GLT1D1: variants seen among roughly 807,000 people sequenced by gnomAD.
GLT1D1 encodes the protein glycosyltransferase 1 domain-containing protein 1.
A neutral mutation model predicts 28.7 loss-of-function variants in GLT1D1; 21 were observed. The ratio of observed to expected loss-of-function variants is 0.73; its 90% CI spans 0.52 to 1.05. The LOEUF is 1.05. Among genes scored for constraint, GLT1D1 ranks in the 50% least tolerant of loss-of-function variants. The probability of loss-of-function intolerance (pLI) is 0.00; values close to 1 mark genes in which losing one functional copy is unlikely to be tolerated. For synonymous variants in GLT1D1, 147 were observed against 124.8 expected, an observed-to-expected ratio of 1.18 and a Z score of -1.19; for missense variants, 343 against 330.6, an observed-to-expected ratio of 1.04 and a Z score of -0.29.
chr12:128,915,012 A>G, intron 4 of GLT1D1, 23 bp downstream of exon 6: 2 of 1,523,782 alleles, frequency 1.3e-6, no homozygotes, highest in Non-Finnish European at 1.8e-6. Context: ...ATCTTCTTAG[A>G]GGATTTTGAT....
chr12:128,866,582 A>C (rs1593051926), intron 1 of GLT1D1, among the ~76,000 whole-genome samples: 1 of 139,148 alleles, frequency 7.2e-6, no homozygotes, highest in African/African-American at 2.7e-5. Context: ...TTTCCCCCAC[A>C]GTATCCACGT....
intron 1 of GLT1D1, among the ~76,000 whole-genome samples, chr12:128,874,126 CTTTCTT>C (rs1284872766): frequency 0.023 from 844 of 37,184 alleles, 4 homozygotes; most frequent in East Asian, 0.028. Flanking sequence ...CTCTCTCTCT[CTTTCTT>C]TCTTTCTTTC....
chr12:128,955,371 A>G (rs1228185093), intron 6 of GLT1D1, among the ~76,000 whole-genome samples: 1 of 152,158 alleles, frequency 6.6e-6, no homozygotes, highest in Non-Finnish European at 1.5e-5. Flanking sequence ...GAGGTTGATC[A>G]AGGCACTGCT....
chr12:128,940,518 T>G (rs1875088895), intron 4 of GLT1D1, among the ~76,000 whole-genome samples: 1 of 152,192 alleles, frequency 6.6e-6, no homozygotes, highest in Admixed American at 6.5e-5. Flanking sequence ...CGGAGTCCCC[T>G]CAGTCTGGTG....
chr12:128,920,204 T>C (rs2135902868), intron 4 of GLT1D1, among the ~76,000 whole-genome samples: 1 of 152,340 alleles, frequency 6.6e-6, no homozygotes, highest in Middle Eastern at 3.4e-3. Context: ...TTAGTAAGTC[T>C]AATGTGTTCG....
At chr12:128,971,416 T>TCCTCCCTTCCTCTCCTCCTC (rs1565922982) in intron 7 of GLT1D1, among the ~76,000 whole-genome samples, 4 of 138,658 alleles carry the variant, frequency 2.9e-5, no homozygotes, top group East Asian at 2.3e-4. Context: ...CCTTCTTCCC[T>TCCTCCCTTCCTCTCCTCCTC]CCTCCCTTCC....
chr12:128,863,998 G>A, intron 1 of GLT1D1: 2 of 422,114 alleles, frequency 4.7e-6, no homozygotes, highest in Non-Finnish European at 8.4e-6. Context: ...TATCTGGAAG[G>A]ACCCTGCGAT....
At chr12:128,921,844 G>A (rs1171806325) in intron 4 of GLT1D1, among the ~76,000 whole-genome samples, 20 of 151,762 alleles carry the variant, frequency 1.3e-4, no homozygotes, top group Non-Finnish European at 2.9e-5. Context: ...GACGTCACCT[G>A]CGTTCTTCAC....
intron 4 of GLT1D1, among the ~76,000 whole-genome samples, chr12:128,903,999 G>A (rs1263498197): frequency 6.6e-6 from 1 of 151,872 alleles, no homozygotes; most frequent in Non-Finnish European, 1.5e-5. Flanking sequence ...AAAGTGCTGG[G>A]ATACAGGCAT....
chr12:128,862,760 C>T (rs1443293790), intron 1 of GLT1D1, among the ~76,000 whole-genome samples: 1 of 152,226 alleles, frequency 6.6e-6, no homozygotes, highest in African/African-American at 2.4e-5. Flanking sequence ...AGTCCCTGTC[C>T]TCAGGAGGCA....
chr12:128,957,677 C>T (rs774965622), intron 7 of GLT1D1, 34 bp downstream of exon 11: 78 of 1,289,208 alleles, frequency 6.1e-5, no homozygotes, highest in Non-Finnish European at 7.9e-5. Flanking sequence ...ATTCACTCAC[C>T]TTATCTGAAT....
chr12:128,965,698 C>A (rs182461856), intron 7 of GLT1D1, among the ~76,000 whole-genome samples: 1 of 117,728 alleles, frequency 8.5e-6, no homozygotes, highest in Non-Finnish European at 1.7e-5. Context: ...ATGGCAAAGT[C>A]TTGTCTCTGC....
At chr12:128,970,385 C>T (rs528272946) in intron 7 of GLT1D1, among the ~76,000 whole-genome samples, 1 of 152,322 alleles carries the variant, frequency 6.6e-6, no homozygotes, top group African/African-American at 2.4e-5. Context: ...CGCAGCTGGA[C>T]CCCATCTCCA....
At chr12:128,965,710 TAAAAAAA>T (rs757636287) in intron 7 of GLT1D1, among the ~76,000 whole-genome samples, 67 of 104,708 alleles carry the variant, frequency 6.4e-4, no homozygotes, top group African/African-American at 1.9e-3. Context: ...TGTCTCTGCT[TAAAAAAA>T]AAAAAAAAAA....
At chr12:128,900,400 C>G (rs1870118406) in intron 4 of GLT1D1, among the ~76,000 whole-genome samples, 2 of 152,190 alleles carry the variant, frequency 1.3e-5, no homozygotes, top group South Asian at 4.1e-4. Flanking sequence ...AACTGCTGCA[C>G]TGGGACAAGG....
At chr12:128,908,357 TTTCTTTTC>T (rs943963532) in intron 4 of GLT1D1, among the ~76,000 whole-genome samples, 1 of 29,972 alleles carries the variant, frequency 3.3e-5, no homozygotes, top group African/African-American at 4.8e-5. Flanking sequence ...CCTTTCTTTC[TTTCTTTTC>T]TTTCTTTCTT....
chr12:128,969,277 C>G lies in GLT1D1; in HGVS notation c.639+11634C>G, dbSNP rs1347453038. Among the ~76,000 whole-genome samples, 4 of 152,152 alleles carry G rather than the reference C, an allele frequency of 2.6e-5. No homozygotes were observed. In the East Asian group the frequency reaches 7.7e-4, roughly 29 times the overall value. On this transcript the variant is annotated intron_variant, in intron 7 of 7. Coordinates refer to ENST00000281703, the MANE Select transcript of GLT1D1 (RefSeq NM_144669.3). ...TCTATCTCAGTCTCTAGCTCTCTCT[C>G]TCACTCTCTCTCTCTCTCCCTGTCT...
chr12:128,914,795 G>T, intron 4 of GLT1D1, 138 bp from the exon 6 acceptor site: 1 of 641,200 alleles, frequency 1.6e-6, no homozygotes, highest in Non-Finnish European at 2.7e-6. Flanking sequence ...ACTGCAGCCT[G>T]GGTGACAGAG....
chr12:128,936,803 T>G (rs1426305016), intron 4 of GLT1D1, among the ~76,000 whole-genome samples: 16 of 152,178 alleles, frequency 1.1e-4, no homozygotes, highest in Admixed American at 1.0e-3. Context: ...GAAATGAGAA[T>G]TTTCATTGTG....
Sources: allele counts gnomAD v4.1 joint callset (sites outside exome capture counted in the v4.1 genomes callset), GRCh38; gene constraint gnomAD v4.1.1; transcripts MANE v1.5; gene names NCBI Gene and HGNC (gene_info 2026-07-23, HGNC 2026-07-21).